The following BABAM2 variants were observed in gnomAD, a reference collection of about 807,000 sequenced individuals.
The protein encoded by BABAM2 is BRISC and BRCA1-A complex member 2.
In BABAM2, 31 loss-of-function variants were observed where a neutral mutation model predicts 54.7. That is an observed-to-expected ratio of 0.57 (90% CI 0.43 to 0.77). The LOEUF is 0.77. Ranked by LOEUF, BABAM2 falls within the 30% of genes least tolerant of loss-of-function variation. The pLI is 0.00. For missense variants in BABAM2, 364 were observed against 455.8 expected, an observed-to-expected ratio of 0.80 and a Z score of 1.83; for synonymous variants, 167 against 162.9, an observed-to-expected ratio of 1.03 and a Z score of -0.19.
At chr2:28,107,222 C>A (rs1230732765) in intron 6 of BABAM2, among the ~76,000 whole-genome samples, 1 of 152,098 alleles carries the variant, frequency 6.6e-6, no homozygotes, top group Non-Finnish European at 1.5e-5. Context: ...ATCTTTCTTC[C>A]TCTCCTCTGG....
At chr2:28,219,562 G>T (rs1680208640) in intron 7 of BABAM2, among the ~76,000 whole-genome samples, 1 of 152,052 alleles carries the variant, frequency 6.6e-6, no homozygotes, top group Non-Finnish European at 1.5e-5. Flanking sequence ...CAGAAATGAG[G>T]GTTTGGCAGC....
chr2:28,013,694 TACAC>T (rs56148921), intron 4 of BABAM2, among the ~76,000 whole-genome samples: 8,114 of 105,944 alleles, frequency 0.077, 427 homozygotes, highest in African/African-American at 0.16. Flanking sequence ...AAAAAGCTCT[TACAC>T]ACACACACAC....
chr2:28,188,378 C>A (rs1390448951), intron 7 of BABAM2, among the ~76,000 whole-genome samples: 2 of 152,068 alleles, frequency 1.3e-5, no homozygotes, highest in Non-Finnish European at 2.9e-5. Context: ...GGGAGGGAAC[C>A]CTACATTTTA....
intron 7 of BABAM2, among the ~76,000 whole-genome samples, chr2:28,216,824 A>G (rs142273694): frequency 1.3e-5 from 2 of 152,242 alleles, no homozygotes; most frequent in African/African-American, 4.8e-5. Flanking sequence ...CTTTTCCTGG[A>G]CATTTGACTC....
intron 3 of BABAM2, among the ~76,000 whole-genome samples, chr2:27,940,543 A>G (rs1445798265): frequency 1.3e-5 from 2 of 152,182 alleles, no homozygotes; most frequent in African/African-American, 4.8e-5. Context: ...TCTTTGAATA[A>G]TGCTGTTTAT....
chr2:28,284,551 C>G (rs1558499656), intron 10 of BABAM2, among the ~76,000 whole-genome samples: 2 of 152,016 alleles, frequency 1.3e-5, no homozygotes, highest in African/African-American at 4.8e-5. Context: ...CCTCTCTGTT[C>G]AGATCTTTTT....
chr2:28,169,052 A>C (rs1490453839), intron 7 of BABAM2, among the ~76,000 whole-genome samples: 1 of 152,166 alleles, frequency 6.6e-6, no homozygotes, highest in Admixed American at 6.5e-5. Context: ...CATGTTAAAG[A>C]CTTGGTTAAC....
chr2:28,016,558 G>A (rs1264947097), intron 4 of BABAM2: 6 of 601,736 alleles, frequency 1.0e-5, no homozygotes, highest in African/African-American at 1.9e-5. Flanking sequence ...CCCGCCGCAG[G>A]TGCATTTCTT....
At chr2:28,239,712 A>T (rs1682237241) in intron 8 of BABAM2, among the ~76,000 whole-genome samples, 1 of 152,242 alleles carries the variant, frequency 6.6e-6, no homozygotes, top group Non-Finnish European at 1.5e-5. Context: ...CAGCTGATGT[A>T]TGCAAAAGGA....
chr2:27,896,326 A>C (rs1489358942), intron 2 of BABAM2: 2 of 156,060 alleles, frequency 1.3e-5, no homozygotes, highest in East Asian at 1.8e-4. Context: ...ACTATTGTCT[A>C]GTCTGGTCAG....
chr2:28,336,190 A>C (rs965800748), intron 11 of BABAM2, among the ~76,000 whole-genome samples: 5 of 152,152 alleles, frequency 3.3e-5, no homozygotes, highest in African/African-American at 1.2e-4. Context: ...AGTGCCATCG[A>C]AAGATAAGAC....
At chr2:28,178,653 A>G (rs1367855227) in intron 7 of BABAM2, among the ~76,000 whole-genome samples, 1 of 151,584 alleles carries the variant, frequency 6.6e-6, no homozygotes, top group East Asian at 1.9e-4. Context: ...TAAAGATCTA[A>G]ATAAAAAAGA....
intron 4 of BABAM2, among the ~76,000 whole-genome samples, chr2:28,005,212 CT>C (rs1673871914): frequency 6.6e-6 from 1 of 151,958 alleles, no homozygotes; most frequent in African/African-American, 2.4e-5. Flanking sequence ...ATGTATGTAT[CT>C]TGTCTAGTTC....
chr2:28,296,158 G>C (rs943597623), intron 10 of BABAM2, among the ~76,000 whole-genome samples: 1 of 152,042 alleles, frequency 6.6e-6, no homozygotes, highest in African/African-American at 2.4e-5. Flanking sequence ...AATGGAAGTA[G>C]TAATGAGAAA....
At position 28,025,264 on chromosome 2, in the gene BABAM2, C is replaced by T; in HGVS notation, c.339C>T (p.Leu113=). 3 of 1,606,186 alleles carry T rather than the reference C, an allele frequency of 1.9e-6. No individual in the cohort carries two copies. Among genetic ancestry groups the T allele is most frequent in the Non-Finnish European group, 2.5e-6 (3 of 1,178,144 alleles). Residue 113 remains leucine (L), a synonymous_variant, in exon 5 of 12, where the codon CTC becomes CTT. Coordinates refer to ENST00000379624, the MANE Select transcript of BABAM2 (RefSeq NM_199191.3). ...ASWNPSNPEC[L]LLVVKELVQQ... is the part of the protein sequence containing the mutation. Reference sequence around the variant, plus strand: ...GGAATCCTTCAAATCCTGAATGTCTCTTACTTGTGGTGAAGGAACTTGTGC... The same window carrying T: ...GGAATCCTTCAAATCCTGAATGTCTTTTACTTGTGGTGAAGGAACTTGTGC...
At chr2:27,932,423 T>A (rs957517185) in intron 3 of BABAM2, among the ~76,000 whole-genome samples, 3 of 152,212 alleles carry the variant, frequency 2.0e-5, no homozygotes, top group African/African-American at 7.2e-5. Flanking sequence ...TTTTTGTTTA[T>A]CATATTTTTT....
rs369611767 is a variant in BABAM2 at position 28,258,113 on chromosome 2, G to T, written c.934+13251G>T. Among the ~76,000 whole-genome samples, 21 of 152,262 alleles carry T rather than the reference G, an allele frequency of 1.4e-4. No homozygotes were observed. The East Asian group carries it at 2.7e-3, about 20-fold the overall frequency. On this transcript the variant is annotated intron_variant, in intron 10 of 11. Transcript: ENST00000379624. ...AAACGCTTGAACCCAGGAGGTGGAG[G>T]TTGCTGTGAGCTGAGATCGCACCAC...
chr2:28,107,708 A>T (rs546553333), intron 6 of BABAM2, among the ~76,000 whole-genome samples: 1 of 152,264 alleles, frequency 6.6e-6, no homozygotes, highest in South Asian at 2.1e-4. Context: ...CTCTCTTATC[A>T]TATGCCTTTA....
intron 10 of BABAM2, among the ~76,000 whole-genome samples, chr2:28,265,465 G>A (rs1022696115): frequency 6.6e-5 from 10 of 152,118 alleles, no homozygotes; most frequent in African/African-American, 2.2e-4. Flanking sequence ...AAATCAATTG[G>A]TGTTCTTAAA....
Sources: gnomAD v4.1 joint callset for allele counts (sites outside exome capture counted in the v4.1 genomes callset) on GRCh38, gnomAD v4.1.1 for gene constraint, MANE v1.5 for transcripts, NCBI Gene and HGNC (gene_info 2026-07-23, HGNC 2026-07-21) for gene names.